BMPER: variants seen among roughly 807,000 people sequenced by gnomAD.
The protein encoded by BMPER is BMP binding endothelial regulator, also known as BMP-binding endothelial regulator protein.
BMPER carries 45 observed loss-of-function variants against 87.3 expected under a neutral mutation model. The ratio of observed to expected loss-of-function variants is 0.52; its 90% CI spans 0.41 to 0.66. The LOEUF (loss-of-function observed/expected upper bound fraction) is 0.66, where lower values mean the gene tolerates loss of function less well. Ranked by LOEUF, BMPER falls within the 30% of genes least tolerant of loss-of-function variation. BMPER has a pLI of 0.00. For missense variants in BMPER, 784 were observed against 867.5 expected (o/e 0.90, Z 1.21); for synonymous variants, 326 against 316.2 (o/e 1.03, Z -0.33).
chr7:34,121,973 A>G, intron 13 of BMPER, among the ~76,000 whole-genome samples: 1 of 150,236 alleles, frequency 6.7e-6, no homozygotes, highest in East Asian at 1.9e-4. Flanking sequence ...TTTTTTTTTA[A>G]TTAGCTGGGC....
chr7:34,034,997 C>T lies in BMPER; in HGVS notation c.577-11309C>T, dbSNP rs117226141. ...TGGGACCCCCCACCACAGCTGGTGCCAACAGACTGTACACTTGTTTTTCTT... is the reference window on the plus strand; with the variant it reads ...TGGGACCCCCCACCACAGCTGGTGCTAACAGACTGTACACTTGTTTTTCTT... On this transcript the variant is annotated intron_variant, in intron 6 of 14. Transcript: ENST00000649409. 7.8e-3 allele frequency among the ~76,000 whole-genome samples: 1,186 copies of T among 152,248 alleles called. 12 individuals carry two copies. The highest frequency in any genetic ancestry group is 8.6e-3 in the Non-Finnish European group (583 of 68,020).
chr7:34,119,014 T>TCACACACACACACACACACACACACA lies in BMPER; in HGVS notation c.1746-24193_1746-24192insACACACACACACACACACACACACAC, dbSNP rs138792693. ...CTCTCACTGTCTCTCTCTCTCTCTC[T>TCACACACACACACACACACACACACA]CACACACACACACACACACACACGC... On this transcript the variant is annotated intron_variant, in intron 13 of 14. Coordinates refer to ENST00000649409, the MANE Select transcript of BMPER (RefSeq NM_001365308.1). 1.0e-3 allele frequency among the ~76,000 whole-genome samples: 141 copies of TCACACACACACACACACACACACACA among 135,742 alleles called. 1 individual carries two copies. The highest frequency in any genetic ancestry group is 3.5e-3 in the East Asian group (16 of 4,530). The allele number at this position is 135,742 out of a possible 152,430, so 89.1% of individuals were successfully genotyped here.
At chr7:33,970,283 C>T (rs767441040) in intron 4 of BMPER, 46 bp from the exon 5 acceptor site, 28 of 1,580,746 alleles carry the variant, frequency 1.8e-5, no homozygotes, top group Admixed American at 8.3e-5. Context: ...GTAGTAACTC[C>T]GTGGGAATTC....
chr7:34,119,681 T>A (rs1300354875), intron 13 of BMPER, among the ~76,000 whole-genome samples: 1 of 152,064 alleles, frequency 6.6e-6, no homozygotes, highest in African/African-American at 2.4e-5. Flanking sequence ...AAAACTATTA[T>A]AAATAGAAAA....
At chr7:34,062,108 A>G in intron 11 of BMPER, 61 bp downstream of exon 11, 1 of 1,439,868 alleles carries the variant, frequency 6.9e-7, no homozygotes, top group East Asian at 2.3e-5. Flanking sequence ...TAGTGCAACA[A>G]GAAAAATAGG....
intron 13 of BMPER, among the ~76,000 whole-genome samples, chr7:34,134,205 A>T (rs150396241): frequency 6.6e-6 from 1 of 152,178 alleles, no homozygotes; most frequent in Non-Finnish European, 1.5e-5. Flanking sequence ...TACAGTAAGC[A>T]TGACGGTGAT....
chr7:33,945,285 C>T (rs1300831354), intron 3 of BMPER, among the ~76,000 whole-genome samples: 1 of 129,544 alleles, frequency 7.7e-6, no homozygotes, highest in African/African-American at 2.9e-5. Context: ...GAGTCCCACT[C>T]TGTCACCCAG....
At chr7:34,151,053 G>A (rs1004948818) in intron 14 of BMPER, among the ~76,000 whole-genome samples, 10 of 152,118 alleles carry the variant, frequency 6.6e-5, no homozygotes, top group African/African-American at 9.7e-5. Context: ...GTGAATGGTG[G>A]TGACATTCAC....
chr7:34,080,398 T>C (rs1329469001), intron 12 of BMPER, among the ~76,000 whole-genome samples: 1 of 152,182 alleles, frequency 6.6e-6, no homozygotes, highest in East Asian at 1.9e-4. Context: ...CCCAGGGAGC[T>C]TTTAGTTAGA....
chr7:34,149,770 T>C (rs1791124099), intron 14 of BMPER, among the ~76,000 whole-genome samples: 1 of 152,034 alleles, frequency 6.6e-6, no homozygotes, highest in African/African-American at 2.4e-5. Context: ...AAGATGTTGG[T>C]GGATATGGAC....
intron 13 of BMPER, among the ~76,000 whole-genome samples, chr7:34,116,430 G>A (rs1219767039): frequency 6.6e-6 from 1 of 152,110 alleles, no homozygotes; most frequent in Admixed American, 6.5e-5. Flanking sequence ...AAACTTGTAG[G>A]ATATTAGATC....
chr7:34,113,336 T>C (rs1790029923), intron 13 of BMPER, among the ~76,000 whole-genome samples: 1 of 152,082 alleles, frequency 6.6e-6, no homozygotes, highest in South Asian at 2.1e-4. Flanking sequence ...GTGTTACCTT[T>C]TTTGGTAGCC....
chr7:33,936,276 A>G (rs556971443), intron 2 of BMPER, among the ~76,000 whole-genome samples: 1 of 152,238 alleles, frequency 6.6e-6, no homozygotes, highest in South Asian at 2.1e-4. Flanking sequence ...CTCCTCTCCA[A>G]CCTGCCCCGA....
intron 2 of BMPER, among the ~76,000 whole-genome samples, chr7:33,916,973 ACTGT>A (rs543331466): frequency 2.8e-4 from 43 of 152,324 alleles, no homozygotes; most frequent in Admixed American, 6.5e-4. Context: ...TTATATAAAC[ACTGT>A]CTTTTTTTTG....
chr7:33,981,285 G>A (rs1785850942), intron 6 of BMPER, among the ~76,000 whole-genome samples: 1 of 152,202 alleles, frequency 6.6e-6, no homozygotes, highest in Admixed American at 6.5e-5. Flanking sequence ...AATAAAGTTT[G>A]AGAAGCACTG....
intron 13 of BMPER, among the ~76,000 whole-genome samples, chr7:34,094,019 G>A (rs1292173074): frequency 6.6e-6 from 1 of 152,152 alleles, no homozygotes; most frequent in Non-Finnish European, 1.5e-5. Context: ...GGTCGCCTGC[G>A]CAGCTGAGCA....
At position 34,129,618 on chromosome 7, in the gene BMPER, G is replaced by GAAAGAA. The variant is rs1554322703; in HGVS notation, c.1746-13611_1746-13610insAAGAAA. Among the ~76,000 whole-genome samples, 8 of 52,428 alleles carry GAAAGAA rather than the reference G, an allele frequency of 1.5e-4. No individual in the cohort carries two copies. In the South Asian group the frequency reaches 2.3e-3, roughly 15 times the overall value. 34.4% of individuals were successfully genotyped at this position (52,428 alleles called of 152,430 possible). On this transcript the variant is annotated intron_variant, in intron 13 of 14. Coordinates refer to ENST00000649409, the MANE Select transcript of BMPER (RefSeq NM_001365308.1). ...AGAGAGAGAGAGAGAGAAAGAGAGAGAGAGAGAAAGAGAGAAAGAAAGAAA... is the reference window on the plus strand; with the variant it reads ...AGAGAGAGAGAGAGAGAAAGAGAGAGAAAGAAAGAGAGAAAGAGAGAAAGAAAGAAA...
At chr7:33,911,206 A>G (rs908047586) in intron 2 of BMPER, among the ~76,000 whole-genome samples, 2 of 152,230 alleles carry the variant, frequency 1.3e-5, no homozygotes, top group African/African-American at 4.8e-5. Flanking sequence ...TTTCAACAGA[A>G]CAATTTTTGG....
intron 10 of BMPER, among the ~76,000 whole-genome samples, chr7:34,061,603 G>A (rs1437133071): frequency 6.6e-6 from 1 of 152,156 alleles, no homozygotes; most frequent in Non-Finnish European, 1.5e-5. Context: ...AGAAGGTCTT[G>A]TAGGGTTCGC....
Sources: allele counts gnomAD v4.1 joint callset (sites outside exome capture counted in the v4.1 genomes callset), GRCh38; gene constraint gnomAD v4.1.1; transcripts MANE v1.5; gene names NCBI Gene and HGNC (gene_info 2026-07-23, HGNC 2026-07-21).